Variants in DHX34 observed in about 807,000 individuals in gnomAD.
DHX34 encodes the protein DExH-box helicase 34.
Under a neutral mutation model 111.1 loss-of-function variants are expected in DHX34, and 96 were observed. The ratio of observed to expected loss-of-function variants is 0.86; its 90% confidence interval spans 0.73 to 1.02. The LOEUF is 1.02. DHX34 is among the 50% of genes least tolerant of loss of function. The probability of loss-of-function intolerance (pLI) is 0.00; values close to 1 mark genes in which losing one functional copy is unlikely to be tolerated. For synonymous variants in DHX34, 688 were observed against 670.4 expected, an observed-to-expected ratio of 1.03 and a Z score of -0.41; for missense variants, 1,560 against 1,579.9, an observed-to-expected ratio of 0.99 and a Z score of 0.21.
chr19:47,355,351 G>A lies in DHX34; in HGVS notation c.1017+1G>A, dbSNP rs1336955146. On this transcript the variant is annotated splice_donor_variant, in intron 3 of 16. Transcript: ENST00000328771. LOFTEE classifies it high-confidence loss of function. ...GCCTGGGAGGCTGTTCCCCATCACGGTGAGTACTTCCCCCTCCTCCCACAT... is the reference window on the plus strand; with the variant it reads ...GCCTGGGAGGCTGTTCCCCATCACGATGAGTACTTCCCCCTCCTCCCACAT... The A allele has an allele frequency of 6.2e-7, 1 of 1,611,394 alleles. No individual in the cohort carries two copies. Among genetic ancestry groups the A allele is most frequent in the South Asian group, 1.1e-5 (1 of 90,990 alleles).
chr19:47,372,803 C>T lies in DHX34; in HGVS notation c.1842C>T (p.Val614=). ...TCACCATCGCAGCCGCACTTAGCGT[C>T]CAGTCGCCCTTCACCCGCAGCGCCC... ...PVLTIAAALS[V]QSPFTRSAQS... The change falls in exon 8 of 17, where the codon GTC becomes GTT. Residue 614 remains valine, a synonymous_variant. Coordinates refer to ENST00000328771, the MANE Select transcript of DHX34 (RefSeq NM_014681.6). 1 of 1,613,156 alleles carries T rather than the reference C, an allele frequency of 6.2e-7. No homozygotes were observed.
rs764215407 is a variant in DHX34 at position 47,362,552 on chromosome 19, C to T, written c.1452C>T (p.Ser484=). 1.3e-5 allele frequency: 21 copies of T among 1,612,852 alleles called. No individual in the cohort carries two copies. The highest frequency in any genetic ancestry group is 8.9e-5 in the East Asian group (4 of 44,796). The change falls in exon 6 of 17, where the codon AGC becomes AGT. Residue 484 remains serine, a synonymous_variant. Transcript: ENST00000328771. ...AGGAGTTCTGGATTAGTCAGGCCAGCGCAGAGCAGCGGAAGGGCCGGGCGG... is the reference window on the plus strand; with the variant it reads ...AGGAGTTCTGGATTAGTCAGGCCAGTGCAGAGCAGCGGAAGGGCCGGGCGG... The part of the protein sequence containing the change: ...RLQEFWISQA[S]AEQRKGRAGR...
chr19:47,379,436 C>T (rs1599778611), intron 13 of DHX34, among the ~76,000 whole-genome samples: 2 of 152,164 alleles, frequency 1.3e-5, no homozygotes, highest in Admixed American at 6.5e-5. Flanking sequence ...GTCCCTCTGC[C>T]ACCCTGCCTG....
rs150644208 is a variant in DHX34 at position 47,371,920 on chromosome 19, C to T, written c.1769-810C>T. Among the ~76,000 whole-genome samples the T allele has an allele frequency of 2.3e-4, 35 of 151,874 alleles. No homozygotes were observed. In the East Asian group the frequency reaches 6.0e-3, roughly 26 times the overall value. On this transcript the variant is annotated intron_variant, in intron 7 of 16. Transcript: ENST00000328771. ...GTGGGGGCGGGTCAGACACATGACACAGACCACTAGTTACTGGACAGGTGG... is the reference window on the plus strand; with the variant it reads ...GTGGGGGCGGGTCAGACACATGACATAGACCACTAGTTACTGGACAGGTGG...
intron 2 of DHX34, among the ~76,000 whole-genome samples, chr19:47,354,704 G>A (rs1226271615): frequency 6.6e-6 from 1 of 152,142 alleles, no homozygotes; most frequent in African/African-American, 2.4e-5. Flanking sequence ...AGGCTGGAGT[G>A]CAATGGTGCG....
At position 47,373,083 on chromosome 19, in the gene DHX34, A is replaced by G. The variant is rs933894622; in HGVS notation, c.1962+160A>G. The stretch of plus-strand genomic sequence containing the variant: ...GCCTGGGGAGGGCCATGTCTCCATC[A>G]TCCATGCTTTCGGCTCAGGACAGCA... On this transcript the variant is annotated intron_variant, in intron 8 of 16. Coordinates refer to ENST00000328771, the MANE Select transcript of DHX34 (RefSeq NM_014681.6). Among the ~76,000 whole-genome samples the G allele has an allele frequency of 3.9e-5, 6 of 152,170 alleles. 1 individual carries two copies. The East Asian group carries it at 9.6e-4, about 24-fold the overall frequency.
chr19:47,375,336 C>G (rs946639833), intron 9 of DHX34, 130 bp from the exon 10 acceptor site: 6 of 1,422,654 alleles, frequency 4.2e-6, no homozygotes, highest in Non-Finnish European at 5.5e-6. Context: ...ATGCCCAGCA[C>G]CATGCGAGGG....
chr19:47,369,097 C>T (rs1425318711), intron 7 of DHX34, among the ~76,000 whole-genome samples: 1 of 152,078 alleles, frequency 6.6e-6, no homozygotes, highest in Admixed American at 6.6e-5. Flanking sequence ...AGGCTGGTCT[C>T]GAAGTCCTGA....
At position 47,372,863 on chromosome 19, in the gene DHX34, G is replaced by T. The variant is rs529993771; in HGVS notation, c.1902G>T (p.Pro634=). The T allele has an allele frequency of 6.2e-7, 1 of 1,610,826 alleles. No homozygotes were observed. The highest frequency in any genetic ancestry group is 2.2e-5 in the East Asian group (1 of 44,878). ...SSPECAAARR[P]LESDQGDPFT... ...CAGAGTGCGCGGCAGCACGGCGGCC[G>T]CTGGAGAGCGACCAGGGTGACCCCT... The change falls in exon 8 of 17, where the codon CCG becomes CCT. Residue 634 remains proline (P), a synonymous_variant. Coordinates refer to ENST00000328771, the MANE Select transcript of DHX34 (RefSeq NM_014681.6).
In DHX34 at chr19:47,382,126, G is replaced by T. The variant is rs760503116; in HGVS notation, c.*13G>T. 8.7e-6 allele frequency: 14 copies of T among 1,613,296 alleles called. No homozygotes were observed. In the African/African-American group the frequency reaches 1.6e-4, roughly 18 times the overall value. On this transcript the variant is annotated 3_prime_UTR_variant, in exon 17 of 17. Coordinates refer to ENST00000328771, the MANE Select transcript of DHX34 (RefSeq NM_014681.6). Reference sequence around the variant, plus strand: ...GCAGCACGTGTGAGCTGGGCCAGGAGCCCTGCCCACCTCCGTGCAGCTGAC... The same window carrying T: ...GCAGCACGTGTGAGCTGGGCCAGGATCCCTGCCCACCTCCGTGCAGCTGAC...
intron 12 of DHX34, chr19:47,376,810 C>T: frequency 6.6e-7 from 1 of 1,517,012 alleles, no homozygotes. Flanking sequence ...AGAGAGTGAG[C>T]ACCGGTCAGG....
At position 47,379,888 on chromosome 19, in the gene DHX34, C is replaced by A. The variant is rs370469762; in HGVS notation, c.2885C>A (p.Ala962Asp). Residue 962 changes from alanine (A) to aspartate (D), a missense_variant, in exon 14 of 17, where the codon GCC becomes GAC. Transcript: ENST00000328771. ...CTGGACCGGCAGCTGGCGCACCAGG[C>A]CCAGCAGCAGCTGGAGGAGGAGGAG... ...SALDRQLAHQ[A>D]QQQLEEEEED... is the part of the protein sequence containing the mutation. The A allele has an allele frequency of 7.4e-6, 12 of 1,613,344 alleles. No individual in the cohort carries two copies. The highest frequency in any genetic ancestry group is 1.7e-4 in the Middle Eastern group (1 of 6,026).
At chr19:47,355,408 C>T in intron 3 of DHX34, 58 bp downstream of exon 3, 1 of 1,571,260 alleles carries the variant, frequency 6.4e-7, no homozygotes, top group Admixed American at 1.7e-5. Flanking sequence ...TCTGTCCAAA[C>T]CTGGACATGC....
Position 47,382,084 on chromosome 19 carries a change from G to A in DHX34, c.3403G>A (p.Val1135Met), listed in dbSNP as rs781398269. Residue 1135 changes from valine to methionine, a missense_variant, in exon 17 of 17, where the codon GTG (valine) becomes ATG (methionine). Coordinates refer to ENST00000328771, the MANE Select transcript of DHX34 (RefSeq NM_014681.6). Reference sequence around the variant, plus strand: ...GGACTTCCTCTTTACACCCACAGAGGTGCTGCGCCACCGGAAGCAGCACGT... The same window carrying A: ...GGACTTCCTCTTTACACCCACAGAGATGCTGCGCCACCGGAAGCAGCACGT... ...GKDFLFTPTE[V>M]LRHRKQHV 5.0e-6 allele frequency: 8 copies of A among 1,614,054 alleles called. No homozygotes were observed. In the South Asian group the frequency reaches 8.8e-5, roughly 18 times the overall value.
intron 4 of DHX34, among the ~76,000 whole-genome samples, chr19:47,359,376 C>G (rs1346047875): frequency 6.6e-6 from 1 of 150,678 alleles, no homozygotes; most frequent in African/African-American, 2.4e-5. Context: ...GCAGGAGGAT[C>G]GCATGAGCTC....
intron 2 of DHX34, among the ~76,000 whole-genome samples, chr19:47,354,280 C>T (rs1456505752): frequency 1.3e-5 from 2 of 152,024 alleles, no homozygotes; most frequent in Non-Finnish European, 2.9e-5. Flanking sequence ...TAATTCTTGA[C>T]GATCACTGCA....
intron 4 of DHX34, among the ~76,000 whole-genome samples, chr19:47,359,495 CG>C (rs1474711179): frequency 6.6e-6 from 1 of 150,572 alleles, no homozygotes; most frequent in Non-Finnish European, 1.5e-5. Flanking sequence ...ATGTTCAGGT[CG>C]GGGGAGCAGG....
rs772022162 is a variant in DHX34 at position 47,379,758 on chromosome 19, C to T, written c.2755C>T (p.Arg919Cys). 19 of 1,612,518 alleles carry T rather than the reference C, an allele frequency of 1.2e-5. No homozygotes were observed. Among genetic ancestry groups the T allele is most frequent in the South Asian group, 5.5e-5 (5 of 91,042 alleles). The change falls in exon 14 of 17, where the codon CGC (arginine) becomes TGC (cysteine). Residue 919 changes from arginine (R) to cysteine (C), a missense_variant. By Grantham distance (180) the Arg-to-Cys change is radical. Coordinates refer to ENST00000328771, the MANE Select transcript of DHX34 (RefSeq NM_014681.6). Reference sequence around the variant, plus strand: ...TTTGGACACCAATGGTGACTGCTCCCGCCTGGTGGCCGATGGCTGGCTGGA... The same window carrying T: ...TTTGGACACCAATGGTGACTGCTCCTGCCTGGTGGCCGATGGCTGGCTGGA... ...RSLDTNGDCSRLVADGWLELQ... is the reference protein window; with the variant it reads ...RSLDTNGDCSCLVADGWLELQ...
rs528779382 is a variant in DHX34 at position 47,369,798 on chromosome 19, A to C, written c.1768+2643A>C. Among the ~76,000 whole-genome samples the C allele has an allele frequency of 5.3e-5, 8 of 152,160 alleles. No homozygotes were observed. The East Asian group carries it at 1.4e-3, about 26-fold the overall frequency. The stretch of plus-strand genomic sequence containing the variant: ...ATTAAATGGGAAGTGTTTAAGTGGA[A>C]CTGGGTCCTAAGTGGCTGAAGGTGG... On this transcript the variant is annotated intron_variant, in intron 7 of 16. Transcript: ENST00000328771.
Sources: allele counts gnomAD v4.1 joint callset (sites outside exome capture counted in the v4.1 genomes callset), GRCh38; gene constraint gnomAD v4.1.1; transcripts MANE v1.5; gene names NCBI Gene and HGNC (gene_info 2026-07-23, HGNC 2026-07-21).